CSKMT: variants seen among roughly 807,000 people sequenced by gnomAD.
CSKMT encodes citrate synthase-lysine N-methyltransferase CSKMT, mitochondrial.
A neutral mutation model predicts 4.6 loss-of-function variants in CSKMT; 6 were observed. That is an observed-to-expected ratio of 1.31 (90% CI 0.72 to 2.59). CSKMT has a LOEUF of 2.59. CSKMT is among the 30% of genes most tolerant of loss of function. The pLI is 0.00. For synonymous variants in CSKMT, 142 were observed against 128.9 expected (o/e 1.10, Z -0.69); for missense variants, 328 against 298.0 (o/e 1.10, Z -0.74).
In CSKMT at chr11:62,666,895, C is replaced by T. The variant is rs1459761640; in HGVS notation, c.567C>T (p.Asn189=). The T allele has an allele frequency of 4.3e-6, 7 of 1,614,062 alleles. No individual in the cohort carries two copies. The highest frequency in any genetic ancestry group is 1.6e-4 in the Middle Eastern group (1 of 6,082). ...TATCAGAATGCTTGAGGGTTCTAAACCCTCAGGGGACCCTGATTCAGTTCT... is the reference window on the plus strand; with the variant it reads ...TATCAGAATGCTTGAGGGTTCTAAATCCTCAGGGGACCCTGATTCAGTTCT... The part of the protein sequence containing the change: ...QLLSECLRVL[N]PQGTLIQFSD... The change falls in exon 3 of 3, where the codon AAC becomes AAT. Residue 189 remains asparagine, a synonymous_variant. Transcript: ENST00000532971.
chr11:62,666,093 A>G, intron 2 of CSKMT, 147 bp downstream of exon 2: 1 of 971,762 alleles, frequency 1.0e-6, no homozygotes, highest in Non-Finnish European at 1.5e-6. Flanking sequence ...CACGGCTGTA[A>G]TGCTAACACT....
chr11:62,667,330 C>A lies in CSKMT; in HGVS notation c.*279C>A. ...GTACAATTGGGTCATTCCCCAGTTT[C>A]AACTAACTGGAGCTCCTAAAAGCAG... On this transcript the variant is annotated 3_prime_UTR_variant, in exon 3 of 3. Transcript: ENST00000532971. 1.5e-6 allele frequency: 1 copy of A among 661,448 alleles called. No individual in the cohort carries two copies. Among genetic ancestry groups the A allele is most frequent in the East Asian group, 2.7e-5 (1 of 36,616 alleles). The allele number at this position is 661,448 out of a possible 1,614,324, so 41.0% of individuals were successfully genotyped here.
rs1565128798 is a variant in CSKMT at position 62,667,612 on chromosome 11, TG to T, written c.*563del. ...GCCTGTTGAGTCCCAGAAGGGACAGTGGTTGGTGGCTTCCAGACATGCTGTG... is the reference window on the plus strand; with the variant it reads ...GCCTGTTGAGTCCCAGAAGGGACAGTGTTGGTGGCTTCCAGACATGCTGTG... On this transcript the variant is annotated 3_prime_UTR_variant, in exon 3 of 3. Coordinates refer to ENST00000532971, the MANE Select transcript of CSKMT (RefSeq NM_001043229.2). The T allele has an allele frequency of 1.3e-5, 21 of 1,614,090 alleles. No homozygotes were observed. The highest frequency in any genetic ancestry group is 1.8e-5 in the Non-Finnish European group (21 of 1,180,016).
chr11:62,666,189 A>T (rs772177240), intron 2 of CSKMT: 38 of 718,898 alleles, frequency 5.3e-5, no homozygotes, highest in Non-Finnish European at 7.7e-5. Context: ...CTACAAAAAA[A>T]ATTAACCGGG....
Position 62,666,386 on chromosome 11 carries a change from G to A in CSKMT, c.68-10G>A, listed in dbSNP as rs1177502234. 4.4e-6 allele frequency: 7 copies of A among 1,606,320 alleles called. No individual in the cohort carries two copies. The highest frequency in any genetic ancestry group is 3.3e-5 in the Admixed American group (2 of 59,966). ...ATAGACCAAGTGACACCCTCCAACC[G>A]TGCCCACAGGCTCACTGGCTGATAG... On this transcript the variant is annotated splice_polypyrimidine_tract_variant and intron_variant, in intron 2 of 2. Transcript: ENST00000532971.
chr11:62,665,358 C>T (rs1944771098), intron 1 of CSKMT, 26 bp downstream of exon 1: 10 of 881,522 alleles, frequency 1.1e-5, no homozygotes, highest in South Asian at 6.0e-5. Context: ...GCTGTAGTAG[C>T]CAGATTGGGC....
chr11:62,667,521 A>C lies in CSKMT; in HGVS notation c.*470A>C. 6.2e-7 allele frequency: 1 copy of C among 1,610,568 alleles called. No homozygotes were observed. The highest frequency in any genetic ancestry group is 8.5e-7 in the Non-Finnish European group (1 of 1,176,776). On this transcript the variant is annotated 3_prime_UTR_variant, in exon 3 of 3. Coordinates refer to ENST00000532971, the MANE Select transcript of CSKMT (RefSeq NM_001043229.2). Reference sequence around the variant, plus strand: ...ATTTGAGGGGGAGGGAACAATACTTACCCTCAAAGCTATTAGGAGGCAGGA... The same window carrying C: ...ATTTGAGGGGGAGGGAACAATACTTCCCCTCAAAGCTATTAGGAGGCAGGA...
rs1309598016 is a variant in CSKMT at position 62,667,035 on chromosome 11, T to C, written c.707T>C (p.Ile236Thr). 6.2e-7 allele frequency: 1 copy of C among 1,602,356 alleles called. No homozygotes were observed. The highest frequency in any genetic ancestry group is 1.7e-5 in the Admixed American group (1 of 57,926). Residue 236 changes from isoleucine to threonine, a missense_variant, in exon 3 of 3, where the codon ATT becomes ACT. Physicochemically the swap from Ile to Thr is moderately conservative, Grantham distance 89. Transcript: ENST00000532971. Reference sequence around the variant, plus strand: ...GGCATCACCTACTTTGCTTACTTGATTCAAGGCTCTCATTAAAGACATTTT... The same window carrying C: ...GGCATCACCTACTTTGCTTACTTGACTCAAGGCTCTCATTAAAGACATTTT... Reference protein sequence around the residue: ...FRGITYFAYLIQGSH With the variant: ...FRGITYFAYLTQGSH
chr11:62,665,950 G>C lies in CSKMT; in HGVS notation c.67+4G>C. On this transcript the variant is annotated splice_donor_region_variant and intron_variant, in intron 2 of 2. Transcript: ENST00000532971. ...GGGACGTGCCGCCCCTTTGCGGGTA[G>C]GGAGGTGGGGGCAGAGTGGAGAGGG... 6.2e-7 allele frequency: 1 copy of C among 1,610,646 alleles called. No individual in the cohort carries two copies. Among genetic ancestry groups the C allele is most frequent in the Non-Finnish European group, 8.5e-7 (1 of 1,179,556 alleles).
Position 62,667,699 on chromosome 11 carries a change from T to A in CSKMT, c.*648T>A. 1 of 1,613,972 alleles carries A rather than the reference T, an allele frequency of 6.2e-7. No individual in the cohort carries two copies. The highest frequency in any genetic ancestry group is 2.2e-5 in the East Asian group (1 of 44,898). On this transcript the variant is annotated 3_prime_UTR_variant, in exon 3 of 3. Transcript: ENST00000532971. ...GTCCTGCCCCCAGCTGAGTCCAGCG[T>A]TAAATGTTCTTAAAGGACTTCTAGG...
At position 62,666,779 on chromosome 11, in the gene CSKMT, G is replaced by A. The variant is rs769584090; in HGVS notation, c.451G>A (p.Val151Met). Residue 151 changes from valine to methionine, a missense_variant, in exon 3 of 3, where the codon GTG becomes ATG. Coordinates refer to ENST00000532971, the MANE Select transcript of CSKMT (RefSeq NM_001043229.2). ...MHADAQNLGAVASSGSFQLLL... is the reference protein window; with the variant it reads ...MHADAQNLGAMASSGSFQLLL... ...CGCCGATGCTCAGAACCTGGGGGCTGTGGCTTCTTCAGGCTCTTTCCAACT... is the reference window on the plus strand; with the variant it reads ...CGCCGATGCTCAGAACCTGGGGGCTATGGCTTCTTCAGGCTCTTTCCAACT... 2 of 1,614,224 alleles carry A rather than the reference G, an allele frequency of 1.2e-6. No individual in the cohort carries two copies. The highest frequency in any genetic ancestry group is 1.7e-6 in the Non-Finnish European group (2 of 1,180,042).
chr11:62,666,196 C>G, intron 2 of CSKMT, 200 bp from the exon 3 acceptor site: 1 of 718,672 alleles, frequency 1.4e-6, no homozygotes, highest in South Asian at 1.8e-5. Context: ...AAAAATTAAC[C>G]GGGCACGATG....
Position 62,666,572 on chromosome 11 carries a change from G to A in CSKMT, c.244G>A (p.Val82Met). The change falls in exon 3 of 3, where the codon GTG (valine) becomes ATG (methionine). Residue 82 changes from valine (V) to methionine (M), a missense_variant. Physicochemically the swap from Val to Met is conservative, Grantham distance 21 (BLOSUM62 1). Coordinates refer to ENST00000532971, the MANE Select transcript of CSKMT (RefSeq NM_001043229.2). ...QAASPLRVLD[V>M]GCGTSSLCTG... ...TGCCAGTCCTCTGCGAGTGCTGGAT[G>A]TGGGCTGTGGGACTTCCAGCCTATG... 2 of 1,614,182 alleles carry A rather than the reference G, an allele frequency of 1.2e-6. No homozygotes were observed. Among genetic ancestry groups the A allele is most frequent in the Non-Finnish European group, 1.7e-6 (2 of 1,180,030 alleles).
rs1195812748 is a variant in CSKMT at position 62,667,109 on chromosome 11, C to A, written c.*58C>A. On this transcript the variant is annotated 3_prime_UTR_variant, in exon 3 of 3. Transcript: ENST00000532971. ...TGTGGGCAAGGAGAGGGCTGAAGAACTGTCTTTGCAAGCTATCTGGCTGCA... is the reference window on the plus strand; with the variant it reads ...TGTGGGCAAGGAGAGGGCTGAAGAAATGTCTTTGCAAGCTATCTGGCTGCA... 6.0e-6 allele frequency: 9 copies of A among 1,493,668 alleles called. No individual in the cohort carries two copies. The African/African-American group carries it at 1.3e-4, about 21-fold the overall frequency. The allele number at this position is 1,493,668 out of a possible 1,614,324, so 92.5% of individuals were successfully genotyped here. A position where few individuals can be genotyped will look rare whatever the true frequency, so the allele number is the denominator to read the frequency against.
Position 62,667,717 on chromosome 11 carries a change from C to T in CSKMT, c.*666C>T. ...TCCAGCGTTAAATGTTCTTAAAGGACTTCTAGGGTCCTGTGGGCTCCAAGC... is the reference window on the plus strand; with the variant it reads ...TCCAGCGTTAAATGTTCTTAAAGGATTTCTAGGGTCCTGTGGGCTCCAAGC... On this transcript the variant is annotated 3_prime_UTR_variant, in exon 3 of 3. Transcript: ENST00000532971. 2 of 1,612,518 alleles carry T rather than the reference C, an allele frequency of 1.2e-6. No homozygotes were observed. The highest frequency in any genetic ancestry group is 1.7e-4 in the Middle Eastern group (1 of 6,052).
chr11:62,665,333 G>A lies in CSKMT; in HGVS notation c.-234+1G>A, dbSNP rs563390035. On this transcript the variant is annotated splice_donor_variant, in intron 1 of 2. Transcript: ENST00000532971. LOFTEE classifies it low-confidence loss of function (5UTR_SPLICE). ...AGGCCTTTCGGAGGGTGGTGAGCTA[G>A]TAAGTGTGGTTTTAGCTGTAGTAGC... is the stretch of plus-strand genomic sequence containing the variant. 1.2e-5 allele frequency: 9 copies of A among 754,644 alleles called. No individual in the cohort carries two copies. Among genetic ancestry groups the A allele is most frequent in the Middle Eastern group, 3.6e-4 (1 of 2,786 alleles). 46.7% of individuals were successfully genotyped at this position (754,644 alleles called of 1,614,324 possible). A position where few individuals can be genotyped will look rare whatever the true frequency, so the allele number is the denominator to read the frequency against.
chr11:62,666,999 GC>G lies in CSKMT; in HGVS notation c.674del (p.Pro225ArgfsTer11). 1 of 1,613,534 alleles carries G rather than the reference GC, an allele frequency of 6.2e-7. No homozygotes were observed. ...TGGACTGTGACTGTGCAGGAGCTAGGCCCGTTCAGGGGCATCACCTACTTTG... is the reference window on the plus strand; with the variant it reads ...TGGACTGTGACTGTGCAGGAGCTAGGCCGTTCAGGGGCATCACCTACTTTG... ...YGWTVTVQELGPFRGITYFAY... is the reference protein window; with the variant it reads ...YGWTVTVQELXPFRGITYFAY... On this transcript the variant is annotated frameshift_variant, in exon 3 of 3. Coordinates refer to ENST00000532971, the MANE Select transcript of CSKMT (RefSeq NM_001043229.2). LOFTEE classifies it high-confidence loss of function.
intron 2 of CSKMT, 164 bp downstream of exon 2, chr11:62,666,110 G>A: frequency 1.2e-6 from 1 of 856,468 alleles, no homozygotes; most frequent in South Asian, 1.7e-5. Flanking sequence ...CACTTTGCCA[G>A]GCCGAGGCGG....
Position 62,666,980 on chromosome 11 carries a change from G to GT in CSKMT, c.653dup (p.Thr219AspfsTer27). ...GGAACAAGGGTCCTATGGCTGGACT[G>GT]TGACTGTGCAGGAGCTAGGCCCGTT... On this transcript the variant is annotated frameshift_variant, in exon 3 of 3. Transcript: ENST00000532971. LOFTEE classifies it high-confidence loss of function. 2 of 1,614,148 alleles carry GT rather than the reference G, an allele frequency of 1.2e-6. No individual in the cohort carries two copies. Among genetic ancestry groups the GT allele is most frequent in the East Asian group, 2.2e-5 (1 of 44,890 alleles).
Sources: gnomAD v4.1 joint callset for allele counts on GRCh38, gnomAD v4.1.1 for gene constraint, MANE v1.5 for transcripts, NCBI Gene and HGNC (gene_info 2026-07-23, HGNC 2026-07-21) for gene names.